The following TRPV2 variants were observed in gnomAD, a reference collection of about 807,000 sequenced individuals.
The protein encoded by TRPV2 is transient receptor potential cation channel subfamily V member 2, also known as OTRPC2.
Under a neutral mutation model 91.0 loss-of-function variants are expected in TRPV2, and 58 were observed. The ratio of observed to expected loss-of-function variants is 0.64; its 90% CI spans 0.52 to 0.79. The LOEUF (loss-of-function observed/expected upper bound fraction) is 0.79. Among genes scored for constraint, TRPV2 ranks in the 30% least tolerant of loss-of-function variants. The pLI, the probability that TRPV2 is intolerant of heterozygous loss-of-function variation, is 0.00. For missense variants in TRPV2, 807 were observed against 969.6 expected, an observed-to-expected ratio of 0.83 and a Z score of 2.23; for synonymous variants, 417 against 414.8, an observed-to-expected ratio of 1.01 and a Z score of -0.06.
chr17:16,428,363 TAGAC>T lies in TRPV2; in HGVS notation c.1400_1403del (p.Asp467AlafsTer41). The T allele has an allele frequency of 6.2e-7, 1 of 1,614,194 alleles. No homozygotes were observed. Among genetic ancestry groups the T allele is most frequent in the Middle Eastern group, 1.6e-4 (1 of 6,062 alleles). On this transcript the variant is annotated frameshift_variant, in exon 9 of 15. Coordinates refer to ENST00000338560, the MANE Select transcript of TRPV2 (RefSeq NM_016113.5). LOFTEE classifies it high-confidence loss of function. ...CACGTGTTCATCTGGATCTCGTTCA[TAGAC>T]AGCTACTTTGAAATCCTCTTGTACG... is the stretch of plus-strand genomic sequence containing the variant.
intron 2 of TRPV2, 105 bp from the exon 3 acceptor site, chr17:16,420,010 G>C: frequency 6.7e-7 from 1 of 1,482,192 alleles, no homozygotes; most frequent in Admixed American, 1.9e-5. Context: ...CCTGAGGGGT[G>C]TGCAGTGTGT....
rs780144611 is a variant in TRPV2, at chr17:16,432,326, C to T, written c.1989+26C>T. 17 of 1,573,870 alleles carry T rather than the reference C, an allele frequency of 1.1e-5. No homozygotes were observed. In the Middle Eastern group the frequency reaches 7.2e-4, roughly 67 times the overall value. On this transcript the variant is annotated intron_variant, in intron 12 of 14. Coordinates refer to ENST00000338560, the MANE Select transcript of TRPV2 (RefSeq NM_016113.5). ...GTGCCACCAGAGAGGCTCCCTGCCC[C>T]CACCCCACCCCACACTCAGGCGGTG...
chr17:16,432,411 C>A, intron 12 of TRPV2, 111 bp downstream of exon 12: 1 of 911,032 alleles, frequency 1.1e-6, no homozygotes, highest in Non-Finnish European at 1.6e-6. Context: ...CCGGGTTGGG[C>A]AGCTCTACCT....
rs111541301 is a variant in TRPV2 at position 16,428,118 on chromosome 17, C to T, written c.1351-199C>T. 7.0e-3 allele frequency among the ~76,000 whole-genome samples: 1,062 copies of T among 152,294 alleles called. 8 individuals are homozygous for T. The highest frequency in any genetic ancestry group is 0.024 in the African/African-American group (1,009 of 41,554). ...GTGCACAGGCTCTTCACCTGCACCCCCCGGCCTTGCCTAGGTGGCTGCTCT... is the reference window on the plus strand; with the variant it reads ...GTGCACAGGCTCTTCACCTGCACCCTCCGGCCTTGCCTAGGTGGCTGCTCT... On this transcript the variant is annotated intron_variant, in intron 8 of 14. Coordinates refer to ENST00000338560, the MANE Select transcript of TRPV2 (RefSeq NM_016113.5).
At chr17:16,425,930 T>C (rs73978874) in intron 5 of TRPV2, among the ~76,000 whole-genome samples, 169 bp from the exon 6 acceptor site, 1,546 of 152,070 alleles carry the variant, frequency 0.01, 23 homozygotes, top group African/African-American at 0.035. Context: ...CGTGTGTGTG[T>C]TTAAGAGTTT....
Position 16,422,759 on chromosome 17 carries a change from C to T in TRPV2, c.495C>T (p.Ser165=), listed in dbSNP as rs752551267. ...QCTDDYYRGH[S]ALHIAIEKRS... is the part of the protein sequence containing the mutation. The stretch of plus-strand genomic sequence containing the variant: ...CAGATGACTATTACCGAGGCCACAG[C>T]GCTCTGCACATCGCCATTGAGAAGA... The change falls in exon 4 of 15, where the codon AGC becomes AGT. Residue 165 remains serine (S), a synonymous_variant. Transcript: ENST00000338560. The T allele has an allele frequency of 2.5e-5, 39 of 1,579,790 alleles. No individual in the cohort carries two copies. Among genetic ancestry groups the T allele is most frequent in the Non-Finnish European group, 3.3e-5 (38 of 1,161,550 alleles).
At chr17:16,420,009 T>C in intron 2 of TRPV2, 106 bp from the exon 3 acceptor site, 1 of 1,467,212 alleles carries the variant, frequency 6.8e-7, no homozygotes, top group Non-Finnish European at 9.2e-7. Flanking sequence ...GCCTGAGGGG[T>C]GTGCAGTGTG....
chr17:16,422,989 G>T (rs2093365786), intron 4 of TRPV2, 100 bp downstream of exon 4: 3 of 1,402,396 alleles, frequency 2.1e-6, no homozygotes, highest in Non-Finnish European at 2.8e-6. Context: ...TTAAACCTAG[G>T]TTTTTCTGAC....
At position 16,423,508 on chromosome 17, in the gene TRPV2, G is replaced by C; in HGVS notation, c.665G>C (p.Trp222Ser). Reference protein sequence around the residue: ...PLSLAACTKQWDVVSYLLENP... With the variant: ...PLSLAACTKQSDVVSYLLENP... ...TCTTTGGCCGCTTGCACCAAGCAGTGGGATGTGGTAAGCTACCTCCTGGAG... is the reference window on the plus strand; with the variant it reads ...TCTTTGGCCGCTTGCACCAAGCAGTCGGATGTGGTAAGCTACCTCCTGGAG... Residue 222 changes from tryptophan (W) to serine (S), a missense_variant, in exon 5 of 15, where the codon TGG (tryptophan) becomes TCG (serine). Transcript: ENST00000338560. The C allele has an allele frequency of 6.2e-7, 1 of 1,613,766 alleles. No individual in the cohort carries two copies. The highest frequency in any genetic ancestry group is 8.5e-7 in the Non-Finnish European group (1 of 1,179,822).
rs147128473 is a variant in TRPV2, at chr17:16,430,143, G to A, written c.1587+1161G>A. Among the ~76,000 whole-genome samples the A allele has an allele frequency of 4.4e-3, 676 of 152,204 alleles. 3 individuals are homozygous for A. The highest frequency in any genetic ancestry group is 9.9e-3 in the Admixed American group (152 of 15,278). On this transcript the variant is annotated intron_variant, in intron 10 of 14. Transcript: ENST00000338560. ...GCCTCCCAAAGTGCTGGGATTACAG[G>A]CATGAGCTACTGCGCCTGGCCCATT... is the stretch of plus-strand genomic sequence containing the variant.
In TRPV2 at chr17:16,426,378, T is replaced by C. The variant is rs2093383325; in HGVS notation, c.1095+109T>C. On this transcript the variant is annotated intron_variant, in intron 6 of 14. Coordinates refer to ENST00000338560, the MANE Select transcript of TRPV2 (RefSeq NM_016113.5). The surrounding 1 kb of genome is among the most constrained non-coding windows in gnomAD (Gnocchi z 6.0). ...CATATCTGCCCCATTCCTGTGCCAG[T>C]GGGGGTGTGGCTGCATGTCCCAGCA... is the stretch of plus-strand genomic sequence containing the variant. The C allele has an allele frequency of 1.5e-6, 2 of 1,361,602 alleles. No homozygotes were observed. The highest frequency in any genetic ancestry group is 2.0e-6 in the Non-Finnish European group (2 of 1,002,204). 84.3% of individuals were successfully genotyped at this position (1,361,602 alleles called of 1,614,324 possible).
intron 10 of TRPV2, among the ~76,000 whole-genome samples, chr17:16,431,196 C>T (rs2093408165): frequency 7.0e-6 from 1 of 142,878 alleles, no homozygotes; most frequent in Non-Finnish European, 1.5e-5. Flanking sequence ...GCACTGTAGG[C>T]TTGTGCCACC....
In TRPV2 at chr17:16,417,827, G is replaced by C; in HGVS notation, c.159G>C (p.Gln53His). 1.2e-6 allele frequency: 2 copies of C among 1,614,212 alleles called. No homozygotes were observed. Among genetic ancestry groups the C allele is most frequent in the Non-Finnish European group, 8.5e-7 (1 of 1,180,018 alleles). The change falls in exon 2 of 15, where the codon CAG becomes CAC. Residue 53 changes from glutamine (Q) to histidine (H), a missense_variant. Physicochemically the swap from Gln to His is conservative, Grantham distance 24. Transcript: ENST00000338560. ...GCGAGGACCGGAAATTCGCCCCTCA[G>C]ATAAGAGTCAACCTCAACTACCGAA... ...FQGEDRKFAP[Q>H]IRVNLNYRKG...
chr17:16,431,293 T>TACATA (rs1568919199), intron 10 of TRPV2, among the ~76,000 whole-genome samples: 5 of 44,972 alleles, frequency 1.1e-4, no homozygotes, highest in African/African-American at 7.6e-4. Flanking sequence ...ATATACATAT[T>TACATA]TTTTTTTTTT....
intron 8 of TRPV2, among the ~76,000 whole-genome samples, 182 bp downstream of exon 8, chr17:16,427,729 G>A (rs1044764664): frequency 5.9e-5 from 9 of 152,170 alleles, no homozygotes; most frequent in Non-Finnish European, 1.2e-4. Flanking sequence ...GAACCCCTCT[G>A]CTGTGCTTTT....
At chr17:16,425,757 G>A (rs752639916) in intron 5 of TRPV2, among the ~76,000 whole-genome samples, 1 of 152,168 alleles carries the variant, frequency 6.6e-6, no homozygotes, top group Non-Finnish European at 1.5e-5. Flanking sequence ...GACCGCGAAA[G>A]TGCACACACA....
At chr17:16,432,819 T>C (rs1310860002) in intron 12 of TRPV2, among the ~76,000 whole-genome samples, 1 of 151,724 alleles carries the variant, frequency 6.6e-6, no homozygotes, top group Non-Finnish European at 1.5e-5. Context: ...TTTTTTTTTT[T>C]TTGAGTCAAG....
chr17:16,436,557 C>G (rs1366126520), intron 14 of TRPV2, among the ~76,000 whole-genome samples: 1 of 152,168 alleles, frequency 6.6e-6, no homozygotes, highest in East Asian at 1.9e-4. Flanking sequence ...CACCTCCAGG[C>G]ACTTTAAGCT....
In TRPV2 at chr17:16,415,597, CAG is replaced by C. The variant is rs2093326526; in HGVS notation, c.-343_-342del. 2 of 152,272 alleles carry C rather than the reference CAG, an allele frequency of 1.3e-5. No individual in the cohort carries two copies. The highest frequency in any genetic ancestry group is 2.4e-5 in the African/African-American group (1 of 41,442). The allele number at this position is 152,272 out of a possible 1,614,324, so 9.4% of individuals were successfully genotyped here. A position where few individuals can be genotyped will look rare whatever the true frequency, so the allele number is the denominator to read the frequency against. On this transcript the variant is annotated 5_prime_UTR_variant, in exon 1 of 15. Transcript: ENST00000338560. The surrounding 1 kb of genome is among the most constrained non-coding windows in gnomAD (Gnocchi z 4.5). The stretch of plus-strand genomic sequence containing the variant: ...GTCTCTGGTGGCTAGCCTGTCCTGA[CAG>C]GGGAGAGTTAAGCTCCCGTTCTCCA...
Sources: gnomAD v4.1 joint callset for allele counts (sites outside exome capture counted in the v4.1 genomes callset) on GRCh38, gnomAD v4.1.1 for gene constraint, Gnocchi (gnomAD v3.1) non-coding constraint, MANE v1.5 for transcripts, NCBI Gene and HGNC (gene_info 2026-07-23, HGNC 2026-07-21) for gene names.